Variants in NFYB observed in about 807,000 individuals in gnomAD.
NFYB encodes nuclear transcription factor Y subunit beta.
Under a neutral mutation model 28.0 loss-of-function variants are expected in NFYB, and 13 were observed. The ratio of observed to expected loss-of-function variants is 0.46; its 90% CI spans 0.30 to 0.74. The LOEUF (loss-of-function observed/expected upper bound fraction) is 0.74, where lower values mean the gene tolerates loss of function less well. Among genes scored for constraint, NFYB ranks in the 30% least tolerant of loss-of-function variants. The pLI is 0.07. For synonymous variants in NFYB, 74 were observed against 75.0 expected, an observed-to-expected ratio of 0.99 and a Z score of 0.07; for missense variants, 142 against 247.6, an observed-to-expected ratio of 0.57 and a Z score of 2.86.
chr12:104,138,194 GA>G lies in NFYB; in HGVS notation c.-134del. ...CTCCAATCGGCTGTTTGGTTGGACA[GA>G]AAATGGCTGCGAAGGAACCAGTCCC... On this transcript the variant is annotated 5_prime_UTR_variant, in exon 1 of 8. Transcript: ENST00000240055. 1 of 148,596 alleles carries G rather than the reference GA, an allele frequency of 6.7e-6. No homozygotes were observed. The allele number at this position is 148,596 out of a possible 1,614,324, so 9.2% of individuals were successfully genotyped here.
chr12:104,118,118 G>A lies in NFYB; in HGVS notation c.*1619C>T, dbSNP rs2030329957. ...CTGGAAAAGATGTTCCCAATATATT[G>A]TTAAGTGAAAAAAGCAGGTTACAAA... On this transcript the variant is annotated 3_prime_UTR_variant, in exon 8 of 8. Coordinates refer to ENST00000240055, the MANE Select transcript of NFYB (RefSeq NM_006166.4). 6.6e-6 allele frequency: 1 copy of A among 152,130 alleles called. No homozygotes were observed. The highest frequency in any genetic ancestry group is 2.1e-4 in the South Asian group (1 of 4,832). The allele number at this position is 152,130 out of a possible 1,614,324, so 9.4% of individuals were successfully genotyped here.
At chr12:104,121,157 G>T in intron 6 of NFYB, 83 bp downstream of exon 6, 1 of 1,123,342 alleles carries the variant, frequency 8.9e-7, no homozygotes. Context: ...AATACTCACT[G>T]CTGACATTCC....
rs2030550601 is a variant in NFYB, at chr12:104,123,244, G to A, written c.411C>T (p.Tyr137=). The change falls in exon 5 of 8, where the codon TAC becomes TAT. Residue 137 remains tyrosine (Y), a synonymous_variant. Transcript: ENST00000240055. The part of the protein sequence containing the change: ...FDSYVEPLKL[Y]LQKFREAMKG... ...TATTTACCTCTCTGAATTTCTGAAG[G>A]TATAATTTCAGAGGTTCCACATAAC... is the stretch of plus-strand genomic sequence containing the variant. 1 of 1,611,644 alleles carries A rather than the reference G, an allele frequency of 6.2e-7. No homozygotes were observed.
At chr12:104,123,958 G>A (rs560485972) in intron 4 of NFYB, among the ~76,000 whole-genome samples, 11 of 152,002 alleles carry the variant, frequency 7.2e-5, no homozygotes, top group South Asian at 2.1e-4. Flanking sequence ...GCGAGACTCC[G>A]TCTCAAAAAA....
Position 104,135,433 on chromosome 12 carries a change from G to T in NFYB, c.6+15C>A. Reference sequence around the variant, plus strand: ...TCAAATCTAATTAACAACCAAAATGGTAAAATATACTTACTGTCATGAAAT... The same window carrying T: ...TCAAATCTAATTAACAACCAAAATGTTAAAATATACTTACTGTCATGAAAT... On this transcript the variant is annotated intron_variant, in intron 2 of 7. Transcript: ENST00000240055. 6.3e-7 allele frequency: 1 copy of T among 1,581,996 alleles called. No homozygotes were observed. Among genetic ancestry groups the T allele is most frequent in the Middle Eastern group, 1.7e-4 (1 of 5,864 alleles).
At position 104,130,778 on chromosome 12, in the gene NFYB, T is replaced by A. The variant is rs577727336; in HGVS notation, c.7-2261A>T. Among the ~76,000 whole-genome samples, 34 of 152,298 alleles carry A rather than the reference T, an allele frequency of 2.2e-4. No individual in the cohort carries two copies. The South Asian group carries it at 6.8e-3, about 31-fold the overall frequency. On this transcript the variant is annotated intron_variant, in intron 2 of 7. Transcript: ENST00000240055. The stretch of plus-strand genomic sequence containing the variant: ...TTTAATAGACATGATGGATTTTTTT[T>A]TACAGCCATAAAAGAATGATCAATT...
At chr12:104,127,383 C>T (rs964385306) in intron 3 of NFYB, among the ~76,000 whole-genome samples, 19 of 151,784 alleles carry the variant, frequency 1.3e-4, no homozygotes, top group Admixed American at 6.6e-4. Context: ...ACCAGCCTGA[C>T]CAACACAGCG....
At chr12:104,126,765 T>C (rs2030731867) in intron 3 of NFYB, among the ~76,000 whole-genome samples, 1 of 152,190 alleles carries the variant, frequency 6.6e-6, no homozygotes, top group South Asian at 2.1e-4. Context: ...TATGGCTCCT[T>C]CAATACTGCT....
At chr12:104,132,453 A>C (rs2030959930) in intron 2 of NFYB, among the ~76,000 whole-genome samples, 2 of 152,162 alleles carry the variant, frequency 1.3e-5, no homozygotes, top group African/African-American at 4.8e-5. Flanking sequence ...ACCGACCTGG[A>C]GGGGAGCACA....
intron 5 of NFYB, among the ~76,000 whole-genome samples, chr12:104,122,756 G>A (rs562443545): frequency 3.9e-5 from 6 of 152,244 alleles, no homozygotes; most frequent in African/African-American, 1.2e-4. Flanking sequence ...CAAAAATGTT[G>A]AGGACTGCTG....
rs957729846 is a variant in NFYB, at chr12:104,117,733, T to C, written c.*2004A>G. The C allele has an allele frequency of 6.6e-6, 1 of 152,152 alleles. No homozygotes were observed. The highest frequency in any genetic ancestry group is 2.4e-5 in the African/African-American group (1 of 41,432). The allele number at this position is 152,152 out of a possible 1,614,324, so 9.4% of individuals were successfully genotyped here. ...CCTCAAATTCCTTTTTTATCTTCATTCTCTACTTGAACAAATATTAATCTT... is the reference window on the plus strand; with the variant it reads ...CCTCAAATTCCTTTTTTATCTTCATCCTCTACTTGAACAAATATTAATCTT... On this transcript the variant is annotated 3_prime_UTR_variant, in exon 8 of 8. Transcript: ENST00000240055.
At chr12:104,120,363 C>T in intron 7 of NFYB, 37 bp downstream of exon 7, 1 of 1,563,356 alleles carries the variant, frequency 6.4e-7, no homozygotes, top group Non-Finnish European at 8.8e-7. Context: ...TCGATACAAT[C>T]AAATTTTTTA....
At chr12:104,123,969 A>C (rs1312646741) in intron 4 of NFYB, among the ~76,000 whole-genome samples, 5 of 152,222 alleles carry the variant, frequency 3.3e-5, no homozygotes, top group Admixed American at 1.3e-4. Context: ...TCTCAAAAAA[A>C]AAATTAAAAA....
At chr12:104,136,100 A>G (rs1230692128) in intron 1 of NFYB, among the ~76,000 whole-genome samples, 1 of 152,254 alleles carries the variant, frequency 6.6e-6, no homozygotes, top group Non-Finnish European at 1.5e-5. Flanking sequence ...AAGATATCAA[A>G]AAAGCAACAC....
In NFYB at chr12:104,118,799, T is replaced by G. The variant is rs553659073; in HGVS notation, c.*938A>C. 6.6e-6 allele frequency: 1 copy of G among 152,316 alleles called. No individual in the cohort carries two copies. Among genetic ancestry groups the G allele is most frequent in the East Asian group, 1.9e-4 (1 of 5,192 alleles). 9.4% of individuals were successfully genotyped at this position (152,316 alleles called of 1,614,324 possible). On this transcript the variant is annotated 3_prime_UTR_variant, in exon 8 of 8. Coordinates refer to ENST00000240055, the MANE Select transcript of NFYB (RefSeq NM_006166.4). ...TGTACACGCAATGATGTCTGATGTT[T>G]CTTGGTTTCCATAGTGTAACAGGAA...
At chr12:104,124,641 A>T (rs2030613088) in intron 4 of NFYB, among the ~76,000 whole-genome samples, 1 of 152,240 alleles carries the variant, frequency 6.6e-6, no homozygotes, top group African/African-American at 2.4e-5. Flanking sequence ...ATTTAAACAT[A>T]GAATCAATTT....
At chr12:104,131,289 G>A (rs1326011343) in intron 2 of NFYB, 1 of 155,984 alleles carries the variant, frequency 6.4e-6, no homozygotes, top group Admixed American at 6.4e-5. Context: ...GTACCCCACA[G>A]ACATTCGATC....
chr12:104,134,968 AAACTT>A (rs1233460206), intron 2 of NFYB, among the ~76,000 whole-genome samples: 1 of 152,154 alleles, frequency 6.6e-6, no homozygotes, highest in African/African-American at 2.4e-5. Flanking sequence ...CCGATCCCCT[AAACTT>A]AAGTTGCCCA....
At chr12:104,124,817 T>G (rs1364795902) in intron 4 of NFYB, among the ~76,000 whole-genome samples, 2 of 152,220 alleles carry the variant, frequency 1.3e-5, no homozygotes, top group African/African-American at 4.8e-5. Context: ...ACATAGCCTA[T>G]GTAAGCAATA....
Sources: allele counts gnomAD v4.1 joint callset (sites outside exome capture counted in the v4.1 genomes callset), GRCh38; gene constraint gnomAD v4.1.1; transcripts MANE v1.5; gene names NCBI Gene and HGNC (gene_info 2026-07-23, HGNC 2026-07-21).